ANO9: variants seen among roughly 807,000 people sequenced by gnomAD.
ANO9 encodes anoctamin-9.
Under a neutral mutation model 100.5 loss-of-function variants are expected in ANO9, and 80 were observed. The observed-to-expected ratio is 0.80, with a 90% confidence interval of 0.66 to 0.96. The LOEUF (loss-of-function observed/expected upper bound fraction) is 0.96, where lower values mean the gene tolerates loss of function less well. ANO9 is among the 40% of genes least tolerant of loss of function. ANO9 has a pLI of 0.00. For missense variants in ANO9, 1,064 were observed against 1,072.7 expected, an observed-to-expected ratio of 0.99 and a Z score of 0.11; for synonymous variants, 473 against 435.6, an observed-to-expected ratio of 1.09 and a Z score of -1.07.
chr11:434,667 T>C (rs534270546), intron 1 of ANO9, among the ~76,000 whole-genome samples: 1 of 152,250 alleles, frequency 6.6e-6, no homozygotes, highest in East Asian at 1.9e-4. Flanking sequence ...ATGGACACCA[T>C]GCATCATGCC....
In ANO9 at chr11:432,069, C is replaced by T. The variant is rs771340280; in HGVS notation, c.351-15G>A. 54 of 1,612,506 alleles carry T rather than the reference C, an allele frequency of 3.3e-5. No individual in the cohort carries two copies. Among genetic ancestry groups the T allele is most frequent in the Non-Finnish European group, 4.5e-5 (53 of 1,179,734 alleles). On this transcript the variant is annotated splice_polypyrimidine_tract_variant and intron_variant, in intron 4 of 22. Coordinates refer to ENST00000332826, the MANE Select transcript of ANO9 (RefSeq NM_001012302.3). This position sits in a 1 kb window ranked among gnomAD's most constrained non-coding sequence, Gnocchi z 4.8. ...GGATTCTGAGACTCAAGAGCCAGAG[C>T]AGGGTGGCCCCGTGTGACCACAGTG...
At chr11:438,278 C>T (rs975239613) in intron 1 of ANO9, among the ~76,000 whole-genome samples, 2 of 152,202 alleles carry the variant, frequency 1.3e-5, no homozygotes, top group South Asian at 4.1e-4. Flanking sequence ...CCCTTAGCTG[C>T]TCCCTCGGAC....
chr11:419,018 G>A, intron 20 of ANO9, 29 bp from the exon 21 acceptor site: 1 of 1,612,240 alleles, frequency 6.2e-7, no homozygotes, highest in Non-Finnish European at 8.5e-7. Flanking sequence ...AGTGTGGGGT[G>A]GGGTGGGCTT....
Position 421,829 on chromosome 11 carries a change from A to G in ANO9, c.1335-631T>C, listed in dbSNP as rs140203064. Among the ~76,000 whole-genome samples, 5 of 152,378 alleles carry G rather than the reference A, an allele frequency of 3.3e-5. No homozygotes were observed. The highest frequency in any genetic ancestry group is 4.4e-5 in the Non-Finnish European group (3 of 68,036). On this transcript the variant is annotated intron_variant, in intron 15 of 22. Transcript: ENST00000332826. This position sits in a 1 kb window ranked among gnomAD's most constrained non-coding sequence, Gnocchi z 6.8. ...CTATCTTAAACCAAAAGTCAGGCTC[A>G]TGGTCAGTGGTGAAATCCCAAAAGC...
In ANO9 at chr11:420,458, C is replaced by A; in HGVS notation, c.1786+5G>T. ...CCCGCCCATCCTGCGCCCGCCCGGTCTGACCGATGTCCTTGGCCTTGCGCG... is the reference window on the plus strand; with the variant it reads ...CCCGCCCATCCTGCGCCCGCCCGGTATGACCGATGTCCTTGGCCTTGCGCG... On this transcript the variant is annotated splice_donor_5th_base_variant and intron_variant, in intron 19 of 22. Coordinates refer to ENST00000332826, the MANE Select transcript of ANO9 (RefSeq NM_001012302.3). 1 of 1,601,166 alleles carries A rather than the reference C, an allele frequency of 6.2e-7. No individual in the cohort carries two copies. The highest frequency in any genetic ancestry group is 1.1e-5 in the South Asian group (1 of 90,878).
At chr11:426,654 A>G (rs997660170) in intron 15 of ANO9, among the ~76,000 whole-genome samples, 2 of 152,180 alleles carry the variant, frequency 1.3e-5, no homozygotes, top group South Asian at 2.1e-4. Context: ...AGGGAATTGG[A>G]GAGGCCTGAA....
chr11:429,488 G>A, intron 11 of ANO9, 82 bp downstream of exon 11: 1 of 1,565,084 alleles, frequency 6.4e-7, no homozygotes, highest in Non-Finnish European at 8.6e-7. Flanking sequence ...GACACGGCAG[G>A]CATATGTGGG....
chr11:419,187 G>A, intron 20 of ANO9, 198 bp from the exon 21 acceptor site: 1 of 1,432,692 alleles, frequency 7.0e-7, no homozygotes, highest in Non-Finnish European at 9.1e-7. Context: ...GGGGACTCTG[G>A]GCATCACCAG....
At chr11:433,163 G>A (rs1483998276) in intron 4 of ANO9, 151 bp downstream of exon 4, 3 of 1,015,264 alleles carry the variant, frequency 3.0e-6, no homozygotes, top group African/African-American at 3.3e-5. Flanking sequence ...CACAGCCAGT[G>A]GGTCTCACAC....
chr11:431,823 C>G, intron 6 of ANO9, 25 bp downstream of exon 6: 1 of 1,611,758 alleles, frequency 6.2e-7, no homozygotes, highest in Non-Finnish European at 8.5e-7. Flanking sequence ...CCCCAGGGCC[C>G]TCTCCAGGCC....
In ANO9 at chr11:421,184, G is replaced by A; in HGVS notation, c.1349C>T (p.Pro450Leu). 1 of 1,556,404 alleles carries A rather than the reference G, an allele frequency of 6.4e-7. No individual in the cohort carries two copies. Among genetic ancestry groups the A allele is most frequent in the Non-Finnish European group, 8.7e-7 (1 of 1,147,958 alleles). Residue 450 changes from proline (P) to leucine (L), a missense_variant, in exon 16 of 23, where the codon CCC (proline) becomes CTC (leucine). Physicochemically the swap from Pro to Leu is moderately conservative, Grantham distance 98. Transcript: ENST00000332826. The surrounding 1 kb of genome is among the most constrained non-coding windows in gnomAD (Gnocchi z 6.8). ...GCCCGCCAGGCGCGTGGACTTCCCG[G>A]GGTGGCCGTTGATCCTGGGGAGGAA... The part of the protein sequence containing the change: ...AFILGRINGH[P>L]GKSTRLAGLW...
At chr11:426,060 T>C (rs1274781263) in intron 15 of ANO9, among the ~76,000 whole-genome samples, 1 of 152,166 alleles carries the variant, frequency 6.6e-6, no homozygotes, top group African/African-American at 2.4e-5. Context: ...AAAGGCACTT[T>C]TAAAAAATGA....
intron 15 of ANO9, among the ~76,000 whole-genome samples, chr11:423,268 G>A (rs978645023): frequency 1.3e-5 from 2 of 152,172 alleles, no homozygotes; most frequent in East Asian, 1.9e-4. Flanking sequence ...AAGGCATAAA[G>A]CAATAATACC....
intron 1 of ANO9, among the ~76,000 whole-genome samples, chr11:436,337 G>A (rs1456514829): frequency 3.3e-5 from 5 of 152,066 alleles, no homozygotes; most frequent in African/African-American, 9.7e-5. Context: ...AAAGTGCTGG[G>A]ATTACAGGTG....
Position 418,782 on chromosome 11 carries a change from T to C in ANO9, c.2068A>G (p.Asn690Asp). Residue 690 changes from asparagine to aspartate, a missense_variant, in exon 22 of 23, where the codon AAC becomes GAC. Coordinates refer to ENST00000332826, the MANE Select transcript of ANO9 (RefSeq NM_001012302.3). ...YRDYRNPPDY[N>D]FSEQFWFLLA... is the part of the protein sequence containing the mutation. ...AGGAACCAGAACTGCTCGGAGAAGT[T>C]GTAATCGGGGGGATTGCGGTAGTCC... is the stretch of plus-strand genomic sequence containing the variant. 1 of 1,613,184 alleles carries C rather than the reference T, an allele frequency of 6.2e-7. No homozygotes were observed. Among genetic ancestry groups the C allele is most frequent in the Non-Finnish European group, 8.5e-7 (1 of 1,179,988 alleles).
chr11:430,960 G>A (rs1590473832), intron 7 of ANO9, among the ~76,000 whole-genome samples: 1 of 5,532 alleles, frequency 1.8e-4, no homozygotes, highest in Non-Finnish European at 2.7e-4. Context: ...AGGGGCGTCC[G>A]CGGGGGTGTG....
chr11:426,144 C>T (rs777126625), intron 15 of ANO9, among the ~76,000 whole-genome samples: 6 of 152,172 alleles, frequency 3.9e-5, no homozygotes, highest in Non-Finnish European at 7.3e-5. Flanking sequence ...ACTGACACAG[C>T]CTTTCTGGAG....
Position 421,200 on chromosome 11 carries a change from T to C in ANO9, c.1335-2A>G. On this transcript the variant is annotated splice_acceptor_variant, in intron 15 of 22. Transcript: ENST00000332826. LOFTEE classifies it high-confidence loss of function. This position sits in a 1 kb window ranked among gnomAD's most constrained non-coding sequence, Gnocchi z 6.8. ...GACTTCCCGGGGTGGCCGTTGATCC[T>C]GGGGAGGAAGGGGAAGTCTGGGGCA... is the stretch of plus-strand genomic sequence containing the variant. The C allele has an allele frequency of 6.5e-7, 1 of 1,542,382 alleles. No homozygotes were observed.
At chr11:420,334 G>A in intron 19 of ANO9, 129 bp downstream of exon 19, 1 of 1,478,094 alleles carries the variant, frequency 6.8e-7, no homozygotes, top group Non-Finnish European at 9.0e-7. Context: ...CGTCGGAGAA[G>A]GGCTGGGGGC....
Sources: allele counts gnomAD v4.1 joint callset (sites outside exome capture counted in the v4.1 genomes callset), GRCh38; gene constraint gnomAD v4.1.1; non-coding constraint Gnocchi (gnomAD v3.1); transcripts MANE v1.5; gene names NCBI Gene and HGNC (gene_info 2026-07-23, HGNC 2026-07-21).